LIPI: variants seen among roughly 807,000 people sequenced by gnomAD.
The protein encoded by LIPI is lipase member I.
LIPI carries 59 observed loss-of-function variants against 50.6 expected under a neutral mutation model. That is an observed-to-expected ratio of 1.16 (90% CI 0.94 to 1.45). LIPI has a LOEUF of 1.45. Among genes scored for constraint, LIPI ranks in the 40% most tolerant of loss-of-function variants. The pLI, the probability that LIPI is intolerant of heterozygous loss-of-function variation, is 0.00. For missense variants in LIPI, 586 were observed against 536.3 expected (o/e 1.09, Z -0.92); for synonymous variants, 203 against 178.2 (o/e 1.14, Z -1.11).
In LIPI at chr21:14,108,894, AATCTCAAATTG is replaced by A; in HGVS notation, c.*88_*98del. 1 of 1,421,758 alleles carries A rather than the reference AATCTCAAATTG, an allele frequency of 7.0e-7. No homozygotes were observed. Among genetic ancestry groups the A allele is most frequent in the Non-Finnish European group, 9.7e-7 (1 of 1,027,230 alleles). The allele number at this position is 1,421,758 out of a possible 1,614,324, so 88.1% of individuals were successfully genotyped here. A position where few individuals can be genotyped will look rare whatever the true frequency, so the allele number is the denominator to read the frequency against. On this transcript the variant is annotated 3_prime_UTR_variant, in exon 10 of 10. Transcript: ENST00000681601. The stretch of plus-strand genomic sequence containing the variant: ...TTTTTCCAAGAAATAGAAATACTTG[AATCTCAAATTG>A]AACAGTGCATTATAAAAGACTGATT...
intron 9 of LIPI, 52 bp downstream of exon 9, chr21:14,144,571 T>C: frequency 2.0e-6 from 2 of 998,246 alleles, no homozygotes; most frequent in East Asian, 2.4e-5. Flanking sequence ...AAGAAACCAA[T>C]ATTTTCAAGT....
intron 9 of LIPI, 168 bp downstream of exon 9, chr21:14,144,455 C>A: frequency 2.3e-6 from 1 of 436,082 alleles, no homozygotes. Flanking sequence ...TTATTAAAGC[C>A]AAAAAAACCT....
intron 1 of LIPI, among the ~76,000 whole-genome samples, chr21:14,210,250 A>G (rs1181316424): frequency 8.8e-6 from 1 of 113,484 alleles, no homozygotes; most frequent in African/African-American, 2.6e-5. Context: ...TAATATTGAT[A>G]AACTTTATTA....
intron 9 of LIPI, among the ~76,000 whole-genome samples, chr21:14,119,315 CAG>C (rs1165566969): frequency 2.0e-5 from 3 of 152,266 alleles, no homozygotes; most frequent in East Asian, 1.9e-4. Context: ...ATGCAAGGAA[CAG>C]AGAGTCTCCT....
chr21:14,151,778 TA>T, intron 8 of LIPI, among the ~76,000 whole-genome samples: 1 of 152,278 alleles, frequency 6.6e-6, no homozygotes, highest in Middle Eastern at 3.4e-3. Flanking sequence ...TATAATTATA[TA>T]ACCTTAAAAT....
intron 1 of LIPI, among the ~76,000 whole-genome samples, 164 bp downstream of exon 1, chr21:14,210,634 TAC>T (rs2020338378): frequency 1.3e-5 from 2 of 151,782 alleles, no homozygotes; most frequent in Admixed American, 6.6e-5. Flanking sequence ...CACACACACG[TAC>T]ACACACAGAA....
chr21:14,154,036 G>C (rs183063122), intron 7 of LIPI, among the ~76,000 whole-genome samples: 47 of 152,148 alleles, frequency 3.1e-4, no homozygotes, highest in African/African-American at 1.1e-3. Flanking sequence ...CTTTGAAGAA[G>C]AGCTGATTTC....
intron 3 of LIPI, among the ~76,000 whole-genome samples, chr21:14,182,331 T>G (rs1213995085): frequency 1.3e-5 from 2 of 152,104 alleles, no homozygotes; most frequent in East Asian, 3.8e-4. Flanking sequence ...CTTATCCATT[T>G]CTCGTAAGAC....
rs542063409 is a variant in LIPI, at chr21:14,168,420, A to G, written c.644-1969T>C. 4.4e-3 allele frequency among the ~76,000 whole-genome samples: 663 copies of G among 152,322 alleles called. 3 individuals carry two copies. The highest frequency in any genetic ancestry group is 7.0e-3 in the Non-Finnish European group (479 of 68,034). ...TCCAAGACACACAATTGTCAGATTC[A>G]CCAAAGTTGAAATGAAGGAAAAAAT... is the stretch of plus-strand genomic sequence containing the variant. On this transcript the variant is annotated intron_variant, in intron 4 of 9. Coordinates refer to ENST00000681601, the MANE Select transcript of LIPI (RefSeq NM_001302998.2).
At chr21:14,200,692 C>A (rs980645814) in intron 1 of LIPI, among the ~76,000 whole-genome samples, 3 of 151,492 alleles carry the variant, frequency 2.0e-5, no homozygotes, top group Non-Finnish European at 4.4e-5. Context: ...CTGCCCAAAG[C>A]AATTTATAGA....
At chr21:14,171,560 C>T (rs906154458) in intron 4 of LIPI, among the ~76,000 whole-genome samples, 29 of 149,846 alleles carry the variant, frequency 1.9e-4, no homozygotes, top group African/African-American at 4.4e-4. Flanking sequence ...GAAACAATGC[C>T]GCATATCTAC....
chr21:14,199,244 T>C (rs1477006849), intron 1 of LIPI, among the ~76,000 whole-genome samples: 1 of 150,560 alleles, frequency 6.6e-6, no homozygotes, highest in Admixed American at 6.6e-5. Context: ...ATAACCAAAA[T>C]CAGAGCTGAA....
In LIPI at chr21:14,171,829, C is replaced by T. The variant is rs904646725; in HGVS notation, c.644-5378G>A. 6.6e-3 allele frequency among the ~76,000 whole-genome samples: 996 copies of T among 151,146 alleles called. 5 individuals carry two copies. Among genetic ancestry groups the T allele is most frequent in the Non-Finnish European group, 7.5e-3 (505 of 67,666 alleles). On this transcript the variant is annotated intron_variant, in intron 4 of 9. Coordinates refer to ENST00000681601, the MANE Select transcript of LIPI (RefSeq NM_001302998.2). ...GGGCAAGGACTTCATGTCTAAAACA[C>T]CAAAAGCAATGGCAACAAAAGCCAA...
At chr21:14,158,861 C>T (rs1321592784) in intron 7 of LIPI, among the ~76,000 whole-genome samples, 5 of 150,586 alleles carry the variant, frequency 3.3e-5, no homozygotes, top group Admixed American at 2.0e-4. Flanking sequence ...TTTAAAAAAC[C>T]TACTGTTCAC....
chr21:14,179,773 G>T (rs1341216494), intron 4 of LIPI, among the ~76,000 whole-genome samples: 3 of 150,432 alleles, frequency 2.0e-5, no homozygotes, highest in Non-Finnish European at 4.4e-5. Context: ...CAGGACCACT[G>T]TGATAATTGT....
Position 14,210,833 on chromosome 21 carries a change from T to C in LIPI, c.13A>G (p.Ile5Val), listed in dbSNP as rs1158040185. Residue 5 changes from isoleucine to valine, a missense_variant, in exon 1 of 10, where the codon ATT (isoleucine) becomes GTT (valine). Physicochemically the swap from Ile to Val is conservative, Grantham distance 29 (BLOSUM62 3). Coordinates refer to ENST00000681601, the MANE Select transcript of LIPI (RefSeq NM_001302998.2). The stretch of plus-strand genomic sequence containing the variant: ...ACCCAGCACATCAAACAAAGAAAAA[T>C]GTATACTCTCATTTGGAATCTGAGA... MRVY[I>V]FLCLMCWVRS... The C allele has an allele frequency of 8.1e-7, 1 of 1,231,524 alleles. No homozygotes were observed. The allele number at this position is 1,231,524 out of a possible 1,614,324, so 76.3% of individuals were successfully genotyped here. A position where few individuals can be genotyped will look rare whatever the true frequency, so the allele number is the denominator to read the frequency against.
intron 9 of LIPI, among the ~76,000 whole-genome samples, chr21:14,113,232 AC>A (rs1275724424): frequency 6.6e-6 from 1 of 152,244 alleles, no homozygotes; most frequent in East Asian, 1.9e-4. Flanking sequence ...TGGAAAATGG[AC>A]CCATATGAGG....
At chr21:14,199,754 G>A (rs2019987558) in intron 1 of LIPI, among the ~76,000 whole-genome samples, 1 of 151,886 alleles carries the variant, frequency 6.6e-6, no homozygotes, top group Non-Finnish European at 1.5e-5. Flanking sequence ...ATTCTATGAA[G>A]CCATCATCAT....
chr21:14,121,374 C>T (rs2016855238), intron 9 of LIPI, among the ~76,000 whole-genome samples: 1 of 152,176 alleles, frequency 6.6e-6, no homozygotes, highest in South Asian at 2.1e-4. Context: ...ACCCATGGTC[C>T]TTCTCTGAGT....
Sources: allele counts gnomAD v4.1 joint callset (sites outside exome capture counted in the v4.1 genomes callset), GRCh38; gene constraint gnomAD v4.1.1; transcripts MANE v1.5; gene names NCBI Gene and HGNC (gene_info 2026-07-23, HGNC 2026-07-21).